ULK4: variants seen among roughly 807,000 people sequenced by gnomAD.
The protein encoded by ULK4 is inactive serine/threonine-protein kinase ULK4.
A neutral mutation model predicts 160.6 loss-of-function variants in ULK4; 133 were observed. The ratio of observed to expected loss-of-function variants is 0.83; its 90% CI spans 0.72 to 0.96. The LOEUF (loss-of-function observed/expected upper bound fraction) is 0.96. Among genes scored for constraint, ULK4 ranks in the 40% least tolerant of loss-of-function variants. ULK4 has a pLI of 0.00. For missense variants in ULK4, 1,580 were observed against 1,499.5 expected (o/e 1.05, Z -0.89); for synonymous variants, 534 against 539.8 (o/e 0.99, Z 0.15).
intron 34 of ULK4, among the ~76,000 whole-genome samples, chr3:41,434,676 C>T (rs1365607969): frequency 1.3e-5 from 2 of 152,142 alleles, no homozygotes; most frequent in Non-Finnish European, 2.9e-5. Flanking sequence ...ACATTTAAAA[C>T]TCAGAAGGGG....
At chr3:41,410,852 T>C (rs1337062033) in intron 34 of ULK4, among the ~76,000 whole-genome samples, 1 of 152,114 alleles carries the variant, frequency 6.6e-6, no homozygotes, top group African/African-American at 2.4e-5. Flanking sequence ...TAAATGCCAT[T>C]CCCCCAAGTG....
At chr3:41,694,422 C>G (rs2036418445) in intron 27 of ULK4, among the ~76,000 whole-genome samples, 1 of 152,088 alleles carries the variant, frequency 6.6e-6, no homozygotes, top group African/African-American at 2.4e-5. Context: ...GGGACATACT[C>G]TGTTGGATGG....
rs118043109 is a variant in ULK4 at position 41,619,881 on chromosome 3, T to C, written c.3072-4164A>G. Among the ~76,000 whole-genome samples the C allele has an allele frequency of 3.8e-3, 563 of 149,896 alleles. 4 individuals carry two copies. The East Asian group carries it at 0.042, about 11-fold the overall frequency. The stretch of plus-strand genomic sequence containing the variant: ...ACAGATGGAACACTAGCTAGACTAA[T>C]AAAAAGAGAGAAGAATCAAATAGAC... On this transcript the variant is annotated intron_variant, in intron 30 of 36. Transcript: ENST00000301831.
chr3:41,306,176 GGGAGGTGGGGGGGTCAGCCCC>G, intron 35 of ULK4, among the ~76,000 whole-genome samples: 4 of 103,576 alleles, frequency 3.9e-5, no homozygotes, highest in Non-Finnish European at 5.7e-5. Flanking sequence ...CCATCCGGGA[GGGAGGTGGGGGGGTCAGCCCC>G]CCACCCCGCC....
chr3:41,685,255 C>G (rs1446091444), intron 27 of ULK4, among the ~76,000 whole-genome samples: 1 of 152,172 alleles, frequency 6.6e-6, no homozygotes, highest in Non-Finnish European at 1.5e-5. Context: ...CAGGAAGTAG[C>G]TTCTGAAGAT....
intron 31 of ULK4, among the ~76,000 whole-genome samples, chr3:41,567,184 G>T (rs1019720333): frequency 6.6e-6 from 1 of 152,022 alleles, no homozygotes; most frequent in South Asian, 2.1e-4. Context: ...GTTTTTTAAC[G>T]TATAGCTATT....
intron 16 of ULK4, among the ~76,000 whole-genome samples, chr3:41,886,009 C>A (rs1309124930): frequency 6.6e-6 from 1 of 152,122 alleles, no homozygotes; most frequent in African/African-American, 2.4e-5. Flanking sequence ...ACCCCCACAG[C>A]TGAGGGTGAG....
chr3:41,489,724 C>A (rs946340826), intron 32 of ULK4, among the ~76,000 whole-genome samples: 1 of 152,170 alleles, frequency 6.6e-6, no homozygotes, highest in Admixed American at 6.5e-5. Flanking sequence ...CTAGTAAATA[C>A]GAGTTCTCCT....
intron 35 of ULK4, among the ~76,000 whole-genome samples, chr3:41,283,859 A>C (rs1177041478): frequency 1.3e-5 from 2 of 152,086 alleles, no homozygotes; most frequent in Non-Finnish European, 2.9e-5. Flanking sequence ...AATTCAGCAA[A>C]GTTTCTGGAT....
intron 22 of ULK4, among the ~76,000 whole-genome samples, chr3:41,751,533 A>G (rs2038627684): frequency 6.6e-6 from 1 of 152,196 alleles, no homozygotes; most frequent in African/African-American, 2.4e-5. Flanking sequence ...GAGACTGAGA[A>G]GAGTGGAGGT....
At chr3:41,836,182 A>G (rs907661292) in intron 17 of ULK4, among the ~76,000 whole-genome samples, 1 of 146,044 alleles carries the variant, frequency 6.8e-6, no homozygotes, top group African/African-American at 2.7e-5. Context: ...AAACACATAT[A>G]GCCCTTTTCA....
At chr3:41,335,970 T>C (rs1244004290) in intron 35 of ULK4, among the ~76,000 whole-genome samples, 3 of 152,220 alleles carry the variant, frequency 2.0e-5, no homozygotes, top group Non-Finnish European at 4.4e-5. Flanking sequence ...GCCACAAGCC[T>C]GTCCTAGAAC....
chr3:41,739,267 A>G (rs1281072281), intron 22 of ULK4, among the ~76,000 whole-genome samples: 1 of 151,886 alleles, frequency 6.6e-6, no homozygotes, highest in Admixed American at 6.6e-5. Flanking sequence ...CCTTCAACAC[A>G]TACTCCTCTG....
intron 5 of ULK4, among the ~76,000 whole-genome samples, chr3:41,920,239 T>A (rs1220691390): frequency 6.6e-6 from 1 of 152,128 alleles, no homozygotes; most frequent in Non-Finnish European, 1.5e-5. Context: ...AGGCTCCAAC[T>A]CCACTCATGC....
chr3:41,625,051 G>C (rs954195567), intron 30 of ULK4, among the ~76,000 whole-genome samples: 1 of 152,160 alleles, frequency 6.6e-6, no homozygotes, highest in African/African-American at 2.4e-5. Context: ...AGCAAGTAAG[G>C]AAGAAGGGTG....
intron 32 of ULK4, among the ~76,000 whole-genome samples, chr3:41,526,817 A>G (rs563093451): frequency 6.6e-6 from 1 of 152,164 alleles, no homozygotes; most frequent in Non-Finnish European, 1.5e-5. Context: ...GTTTTTTAAA[A>G]ATTTCCTTGA....
chr3:41,816,733 T>C (rs943574975), intron 19 of ULK4, among the ~76,000 whole-genome samples: 1 of 152,024 alleles, frequency 6.6e-6, no homozygotes, highest in African/African-American at 2.4e-5. Flanking sequence ...GATCACTTGA[T>C]CCCAGAGGCG....
intron 31 of ULK4, among the ~76,000 whole-genome samples, chr3:41,613,774 T>C (rs1197513293): frequency 6.6e-6 from 1 of 152,242 alleles, no homozygotes; most frequent in Non-Finnish European, 1.5e-5. Context: ...CCAACACTTT[T>C]CTTCTTTACT....
intron 12 of ULK4, among the ~76,000 whole-genome samples, chr3:41,906,052 C>T (rs1014620233): frequency 1.3e-5 from 2 of 151,682 alleles, no homozygotes; most frequent in South Asian, 2.1e-4. Context: ...CCCGTCTGCA[C>T]TAAAAACACA....
Sources: gnomAD v4.1 joint callset for allele counts (sites outside exome capture counted in the v4.1 genomes callset) on GRCh38, gnomAD v4.1.1 for gene constraint, MANE v1.5 for transcripts, NCBI Gene and HGNC (gene_info 2026-07-23, HGNC 2026-07-21) for gene names.